CCDC57: variants seen among roughly 807,000 people sequenced by gnomAD.
The protein encoded by CCDC57 is coiled-coil domain containing 57.
CCDC57 carries 118 observed loss-of-function variants against 118.9 expected under a neutral mutation model. The ratio of observed to expected loss-of-function variants is 0.99; its 90% CI spans 0.86 to 1.16. The LOEUF (loss-of-function observed/expected upper bound fraction) is 1.16, where lower values mean the gene tolerates loss of function less well. Ranked by LOEUF, CCDC57 falls within the 50% of genes most tolerant of loss-of-function variation. The pLI, the probability that CCDC57 is intolerant of heterozygous loss-of-function variation, is 0.00. For missense variants in CCDC57, 1,300 were observed against 1,320.7 expected, an observed-to-expected ratio of 0.98 and a Z score of 0.24; for synonymous variants, 527 against 532.9, an observed-to-expected ratio of 0.99 and a Z score of 0.15.
chr17:82,120,671 A>G (rs1313239568), intron 19 of CCDC57, among the ~76,000 whole-genome samples: 3 of 152,218 alleles, frequency 2.0e-5, no homozygotes, highest in African/African-American at 4.8e-5. Context: ...AAACAACTCA[A>G]CTGCATGAAC....
chr17:82,143,180 A>G (rs2040251637), intron 16 of CCDC57, among the ~76,000 whole-genome samples: 1 of 152,020 alleles, frequency 6.6e-6, no homozygotes, highest in South Asian at 2.1e-4. Flanking sequence ...ATGGCAGGCT[A>G]TAGAGACAAT....
chr17:82,149,963 T>A (rs1217615533), intron 16 of CCDC57, among the ~76,000 whole-genome samples: 1 of 40,042 alleles, frequency 2.5e-5, no homozygotes, highest in African/African-American at 1.1e-4. Context: ...AGGTGCACAC[T>A]CAGAACCTGA....
At chr17:82,156,858 C>G (rs571480245) in intron 15 of CCDC57, 1 of 152,602 alleles carries the variant, frequency 6.6e-6, no homozygotes, top group Non-Finnish European at 1.5e-5. Flanking sequence ...CCTCAGTCCA[C>G]TCTATTCCAG....
At chr17:82,165,281 C>T (rs903395596) in intron 13 of CCDC57, among the ~76,000 whole-genome samples, 4 of 152,238 alleles carry the variant, frequency 2.6e-5, no homozygotes, top group East Asian at 3.8e-4. Context: ...GGAGCCCCTA[C>T]AGTCCACCCG....
chr17:82,186,967 G>A (rs754668823), intron 8 of CCDC57, among the ~76,000 whole-genome samples: 21 of 151,646 alleles, frequency 1.4e-4, no homozygotes, highest in Non-Finnish European at 2.8e-4. Flanking sequence ...GGCCGGGGGC[G>A]GTGGCTCACA....
At chr17:82,107,193 C>CGAG (rs902644110) in intron 19 of CCDC57, among the ~76,000 whole-genome samples, 21 of 152,242 alleles carry the variant, frequency 1.4e-4, no homozygotes, top group African/African-American at 4.8e-4. Context: ...CCCTCTTCTC[C>CGAG]CCTGGAGACC....
chr17:82,116,215 AC>A (rs1882078597), intron 19 of CCDC57, among the ~76,000 whole-genome samples: 1 of 146,628 alleles, frequency 6.8e-6, no homozygotes, highest in Non-Finnish European at 1.5e-5. Context: ...AACATGGGAC[AC>A]CCTTTAAAGT....
chr17:82,113,706 C>T (rs1430979570), intron 19 of CCDC57: 2 of 712,576 alleles, frequency 2.8e-6, no homozygotes, highest in East Asian at 5.4e-5. Context: ...GCCAAGGCGG[C>T]AGGACTGCTT....
At position 82,118,044 on chromosome 17, in the gene CCDC57, C is replaced by T. The variant is rs368952259; in HGVS notation, c.2899+9648G>A. The stretch of plus-strand genomic sequence containing the variant: ...AACAAAGGGAGGTGAGCCGATGCGG[C>T]GGCTCACAAAACTACCAGAAAGATC... On this transcript the variant is annotated intron_variant, in intron 19 of 19. Coordinates refer to ENST00000665763, the Ensembl canonical transcript of CCDC57. This position sits in a 1 kb window ranked among gnomAD's most constrained non-coding sequence, Gnocchi z 4.7. 1.0e-3 allele frequency among the ~76,000 whole-genome samples: 152 copies of T among 152,226 alleles called. 1 individual carries two copies. The highest frequency in any genetic ancestry group is 6.8e-3 in the Middle Eastern group (2 of 294).
At chr17:82,162,281 C>T (rs191539265) in intron 14 of CCDC57, among the ~76,000 whole-genome samples, 10 of 152,322 alleles carry the variant, frequency 6.6e-5, no homozygotes, top group Admixed American at 6.5e-4. Flanking sequence ...GCTGGGATTA[C>T]AGGTGTGAGC....
chr17:82,149,070 T>G, intron 16 of CCDC57, among the ~76,000 whole-genome samples: 3 of 80,010 alleles, frequency 3.7e-5, no homozygotes, highest in Non-Finnish European at 7.0e-5. Flanking sequence ...GGTGGATGGA[T>G]GGATGGGTGG....
chr17:82,134,793 GCAAA>G (rs74945073), intron 16 of CCDC57, among the ~76,000 whole-genome samples: 8 of 151,342 alleles, frequency 5.3e-5, no homozygotes, highest in African/African-American at 1.7e-4. Flanking sequence ...CAAAAAGCAA[GCAAA>G]CAAACAAACA....
At chr17:82,130,499 CTTTTTTTTTTT>C (rs35413191) in intron 17 of CCDC57, among the ~76,000 whole-genome samples, 13 of 88,940 alleles carry the variant, frequency 1.5e-4, no homozygotes, top group Admixed American at 9.1e-4. Flanking sequence ...CCAGACAAAA[CTTTTTTTTTTT>C]TTTTTTTTTT....
intron 15 of CCDC57, 200 bp downstream of exon 14, chr17:82,157,548 G>A (rs2042825484): frequency 7.0e-7 from 1 of 1,429,372 alleles, no homozygotes; most frequent in East Asian, 2.5e-5. Context: ...CAGGAGAAGA[G>A]GAGGCGTGTG....
intron 19 of CCDC57, chr17:82,112,666 AG>A (rs1355872808): frequency 6.6e-6 from 1 of 152,354 alleles, no homozygotes; most frequent in African/African-American, 2.4e-5. Context: ...CAGCTCCGTA[AG>A]GGTGCTCAGC....
chr17:82,102,162 T>A (rs536739600), intron 19 of CCDC57, among the ~76,000 whole-genome samples: 120 of 152,218 alleles, frequency 7.9e-4, no homozygotes, highest in African/African-American at 2.8e-3. Flanking sequence ...CATTTCGTAA[T>A]GGGTCCCAGG....
At position 82,198,992 on chromosome 17, in the gene CCDC57, C is replaced by CAA. The variant is rs34649384; in HGVS notation, c.408-572_408-571dup. Among the ~76,000 whole-genome samples, 19 of 87,558 alleles carry CAA rather than the reference C, an allele frequency of 2.2e-4. 1 individual carries two copies. The highest frequency in any genetic ancestry group is 3.9e-4 in the African/African-American group (9 of 23,066). The allele number at this position is 87,558 out of a possible 152,430, so 57.4% of individuals were successfully genotyped here. A position where few individuals can be genotyped will look rare whatever the true frequency, so the allele number is the denominator to read the frequency against. Reference sequence around the variant, plus strand: ...TGGGCGACAGAGCGAGACTCCATCTCAAAAAAAAAAAAAAAAAGAAAAAGG... The same window carrying CAA: ...TGGGCGACAGAGCGAGACTCCATCTCAAAAAAAAAAAAAAAAAAAGAAAAAGG... On this transcript the variant is annotated intron_variant, in intron 3 of 19. Transcript: ENST00000665763.
At position 82,203,005 on chromosome 17, in the gene CCDC57, T is replaced by C. The variant is rs376006039; in HGVS notation, c.-8-1053A>G. Among the ~76,000 whole-genome samples, 11 of 152,262 alleles carry C rather than the reference T, an allele frequency of 7.2e-5. No homozygotes were observed. The East Asian group carries it at 1.5e-3, about 21-fold the overall frequency. On this transcript the variant is annotated intron_variant, in intron 2 of 19. Coordinates refer to ENST00000665763, the Ensembl canonical transcript of CCDC57. ...CTGGAAGATTCACCACCTGATATGG[T>C]TTCGATATTTATCCCTGCCCAAACC...
rs75362462 is a variant in CCDC57, at chr17:82,127,404, C to G, written c.2899+288G>C. 11 of 868,642 alleles carry G rather than the reference C, an allele frequency of 1.3e-5. No individual in the cohort carries two copies. In the South Asian group the frequency reaches 2.7e-4, roughly 22 times the overall value. The allele number at this position is 868,642 out of a possible 1,614,324, so 53.8% of individuals were successfully genotyped here. A position where few individuals can be genotyped will look rare whatever the true frequency, so the allele number is the denominator to read the frequency against. ...GTACAGTGCTCCATTCTAAGTCAGC[C>G]TGCGCCCGGGTGTACGGTGCTGCAT... On this transcript the variant is annotated intron_variant, in intron 19 of 19. Coordinates refer to ENST00000665763, the Ensembl canonical transcript of CCDC57.
Sources: allele counts gnomAD v4.1 joint callset (sites outside exome capture counted in the v4.1 genomes callset), GRCh38; gene constraint gnomAD v4.1.1; non-coding constraint Gnocchi (gnomAD v3.1); transcripts MANE v1.5; gene names NCBI Gene and HGNC (gene_info 2026-07-23, HGNC 2026-07-21).